Variants in PPP3CA observed in about 807,000 individuals in gnomAD.
The protein encoded by PPP3CA is CAM-PRP catalytic subunit.
A neutral mutation model predicts 66.5 loss-of-function variants in PPP3CA; 14 were observed. The ratio of observed to expected loss-of-function variants is 0.21; its 90% CI spans 0.14 to 0.33. The LOEUF (loss-of-function observed/expected upper bound fraction) is 0.33, where lower values mean the gene tolerates loss of function less well. PPP3CA is among the 10% of genes least tolerant of loss of function. The pLI is 1.00. For synonymous variants in PPP3CA, 232 were observed against 226.2 expected (o/e 1.03, Z -0.23); for missense variants, 317 against 639.5 (o/e 0.50, Z 5.44).
intron 1 of PPP3CA, among the ~76,000 whole-genome samples, chr4:101,218,082 G>C (rs1269859865): frequency 2.0e-5 from 3 of 152,000 alleles, no homozygotes; most frequent in Admixed American, 1.3e-4. Context: ...TCTTGGAAGA[G>C]CCCAGCAAGG....
intron 1 of PPP3CA, among the ~76,000 whole-genome samples, chr4:101,198,893 G>A (rs1004933837): frequency 5.9e-5 from 9 of 152,100 alleles, no homozygotes; most frequent in Non-Finnish European, 8.8e-5. Flanking sequence ...ATAAACAGGG[G>A]GGACAAAGGA....
At chr4:101,228,890 G>T (rs1267228982) in intron 1 of PPP3CA, among the ~76,000 whole-genome samples, 1 of 151,662 alleles carries the variant, frequency 6.6e-6, no homozygotes, top group South Asian at 2.1e-4. Flanking sequence ...AAGTTTAGTT[G>T]GTGCTGTCCC....
chr4:101,200,991 T>C (rs536523828), intron 1 of PPP3CA, among the ~76,000 whole-genome samples: 65 of 152,290 alleles, frequency 4.3e-4, no homozygotes, highest in African/African-American at 1.5e-3. Flanking sequence ...ATGCTGCAAA[T>C]CCACAGTTAG....
intron 3 of PPP3CA, among the ~76,000 whole-genome samples, chr4:101,106,714 A>G (rs1730772078): frequency 2.0e-5 from 3 of 152,148 alleles, no homozygotes; most frequent in Admixed American, 2.0e-4. Flanking sequence ...TCCTTAAACA[A>G]GAAGATATAC....
chr4:101,346,115 G>C (rs1481216610), intron 1 of PPP3CA, among the ~76,000 whole-genome samples: 1 of 142,036 alleles, frequency 7.0e-6, no homozygotes. Context: ...CCCCCGCCCC[G>C]CGCGGAAGGA....
intron 1 of PPP3CA, among the ~76,000 whole-genome samples, chr4:101,296,152 T>C (rs1011740153): frequency 1.3e-5 from 2 of 152,274 alleles, no homozygotes; most frequent in Non-Finnish European, 2.9e-5. Flanking sequence ...ACAAAAGGAA[T>C]TTCCTAACCT....
chr4:101,297,913 C>T (rs572514344), intron 1 of PPP3CA, among the ~76,000 whole-genome samples: 67 of 152,192 alleles, frequency 4.4e-4, no homozygotes, highest in African/African-American at 1.6e-3. Context: ...GCTGTTTTTA[C>T]TTTGCTCTCC....
intron 2 of PPP3CA, 140 bp from the exon 3 acceptor site, chr4:101,109,218 C>T: frequency 2.3e-6 from 2 of 855,484 alleles, no homozygotes; most frequent in South Asian, 2.0e-5. Context: ...AGAAGTACGA[C>T]AGAAAAGCTA....
At chr4:101,038,659 C>T (rs549433047) in intron 11 of PPP3CA, among the ~76,000 whole-genome samples, 5 of 152,048 alleles carry the variant, frequency 3.3e-5, no homozygotes, top group Non-Finnish European at 7.4e-5. Context: ...TGAGCCACCA[C>T]GCCCGGCCAC....
intron 2 of PPP3CA, among the ~76,000 whole-genome samples, chr4:101,181,979 A>G (rs114069654): frequency 0.013 from 1,935 of 152,212 alleles, 42 homozygotes; most frequent in African/African-American, 0.045. Flanking sequence ...ATATGTGATT[A>G]TTTACTCTTA....
intron 1 of PPP3CA, among the ~76,000 whole-genome samples, chr4:101,212,399 A>G (rs1725324117): frequency 6.6e-6 from 1 of 152,156 alleles, no homozygotes; most frequent in Non-Finnish European, 1.5e-5. Context: ...TTTATAAAGT[A>G]GGAACTGAAT....
chr4:101,063,561 T>C (rs1461539470), intron 8 of PPP3CA, among the ~76,000 whole-genome samples: 1 of 151,876 alleles, frequency 6.6e-6, no homozygotes, highest in Non-Finnish European at 1.5e-5. Flanking sequence ...ATATGAATAA[T>C]TAATATGTAA....
chr4:101,289,626 T>C (rs943808230), intron 1 of PPP3CA, among the ~76,000 whole-genome samples: 1 of 152,248 alleles, frequency 6.6e-6, no homozygotes, highest in Non-Finnish European at 1.5e-5. Context: ...TCAAAGATTG[T>C]AAATCCAGTC....
intron 1 of PPP3CA, among the ~76,000 whole-genome samples, chr4:101,225,747 T>G (rs1302482186): frequency 6.6e-6 from 1 of 151,824 alleles, no homozygotes; most frequent in East Asian, 1.9e-4. Flanking sequence ...ATATGATGAC[T>G]ACTAATAGGA....
intron 10 of PPP3CA, among the ~76,000 whole-genome samples, chr4:101,043,144 G>A (rs1308901607): frequency 6.6e-6 from 1 of 152,080 alleles, no homozygotes; most frequent in Non-Finnish European, 1.5e-5. Flanking sequence ...GAGTGGCTAA[G>A]ACGTCTAAAA....
At chr4:101,192,349 T>C (rs772608511) in intron 2 of PPP3CA, among the ~76,000 whole-genome samples, 3 of 152,130 alleles carry the variant, frequency 2.0e-5, no homozygotes, top group Non-Finnish European at 2.9e-5. Context: ...CACCTCTTCC[T>C]ACTCATCTCA....
Position 101,063,326 on chromosome 4 carries a change from C to A in PPP3CA, c.987G>T (p.Met329Ile), listed in dbSNP as rs1223403393. The A allele has an allele frequency of 6.2e-7, 1 of 1,610,518 alleles. No individual in the cohort carries two copies. The highest frequency in any genetic ancestry group is 8.5e-7 in the Non-Finnish European group (1 of 1,177,892). ...AAVLKYENNV[M>I]NIRQFNCSPH... ...GAGAACAGTTGAATTGCCTGATATTCATAACATTGTTCTCATACTTCAATA... is the reference window on the plus strand; with the variant it reads ...GAGAACAGTTGAATTGCCTGATATTAATAACATTGTTCTCATACTTCAATA... Residue 329 changes from methionine (M) to isoleucine (I), a missense_variant, in exon 9 of 14, where the codon ATG becomes ATT. By Grantham distance (10) the Met-to-Ile change is conservative (BLOSUM62 1). This residue lies in a region of PPP3CA where 201 missense variants were observed against 501.4 expected (regional missense o/e 0.40). Transcript: ENST00000394854.
At chr4:101,271,066 T>C (rs1323942627) in intron 1 of PPP3CA, among the ~76,000 whole-genome samples, 1 of 152,036 alleles carries the variant, frequency 6.6e-6, no homozygotes, top group Non-Finnish European at 1.5e-5. Context: ...GTTCACCTCC[T>C]CCTCCTCAAG....
intron 8 of PPP3CA, among the ~76,000 whole-genome samples, chr4:101,066,861 T>A (rs1469907786): frequency 6.6e-6 from 1 of 152,118 alleles, no homozygotes; most frequent in Non-Finnish European, 1.5e-5. Flanking sequence ...TTGAAAGACG[T>A]TTATCTCCAG....
Sources: allele counts gnomAD v4.1 joint callset (sites outside exome capture counted in the v4.1 genomes callset), GRCh38; gene constraint gnomAD v4.1.1; regional missense constraint gnomAD v4.1.1; transcripts MANE v1.5; gene names NCBI Gene and HGNC (gene_info 2026-07-23, HGNC 2026-07-21).